Variants in ARB2A observed in about 807,000 individuals in gnomAD.
ARB2A encodes ARB2 cotranscriptional regulator A, also known as cotranscriptional regulator ARB2A.
the ARB2A span, among the ~76,000 whole-genome samples, chr5:93,684,610 T>C: frequency 6.6e-6 from 1 of 152,192 alleles, no homozygotes; most frequent in East Asian, 1.9e-4. Flanking sequence ...TTCAGACAAA[T>C]AGTAAAAAAT....
At chr5:93,801,298 C>T in the ARB2A span, among the ~76,000 whole-genome samples, 1 of 152,054 alleles carries the variant, frequency 6.6e-6, no homozygotes, top group African/African-American at 2.4e-5. Flanking sequence ...ATAGCTCCAA[C>T]CCCCTTTGTT....
chr5:93,708,900 G>A, the ARB2A span, among the ~76,000 whole-genome samples: 8 of 152,026 alleles, frequency 5.3e-5, no homozygotes, highest in South Asian at 6.2e-4. Flanking sequence ...AAATTTAAAC[G>A]ATATAAAGTT....
the ARB2A span, chr5:93,682,859 C>T: frequency 7.1e-7 from 1 of 1,401,756 alleles, no homozygotes; most frequent in South Asian, 1.1e-5. Flanking sequence ...CCTCCACTGC[C>T]AGAGATCTTG....
chr5:93,877,797 G>A, the ARB2A span, among the ~76,000 whole-genome samples: 2 of 152,106 alleles, frequency 1.3e-5, no homozygotes, highest in African/African-American at 2.4e-5. Flanking sequence ...TGGGTTGTAA[G>A]TGGATAGAAT....
At chr5:93,909,465 G>A in the ARB2A span, among the ~76,000 whole-genome samples, 3 of 150,802 alleles carry the variant, frequency 2.0e-5, no homozygotes, top group Non-Finnish European at 3.0e-5. Context: ...CTCTACAAAC[G>A]TATTATATCT....
the ARB2A span, among the ~76,000 whole-genome samples, chr5:93,784,884 C>T: frequency 1.3e-5 from 2 of 152,168 alleles, no homozygotes; most frequent in Non-Finnish European, 2.9e-5. Context: ...CTACTTAGGA[C>T]TAACTTCTAC....
the ARB2A span, among the ~76,000 whole-genome samples, chr5:93,938,294 A>G: frequency 6.6e-6 from 1 of 152,224 alleles, no homozygotes; most frequent in Non-Finnish European, 1.5e-5. Flanking sequence ...AATTCCTTTA[A>G]TTTAATCACA....
the ARB2A span, among the ~76,000 whole-genome samples, chr5:93,913,062 T>C: frequency 2.4e-3 from 360 of 152,028 alleles, 1 homozygote; most frequent in Non-Finnish European, 3.9e-3. Context: ...TTTACGTTTA[T>C]TATTTTCCCC....
the ARB2A span, chr5:93,824,268 C>A: frequency 1.3e-6 from 2 of 1,566,720 alleles, no homozygotes; most frequent in South Asian, 1.2e-5. Flanking sequence ...AACCATTTTC[C>A]TATAAGGGAA....
the ARB2A span, among the ~76,000 whole-genome samples, chr5:93,747,376 CCAAA>C: frequency 4.6e-5 from 7 of 152,002 alleles, no homozygotes; most frequent in Non-Finnish European, 1.0e-4. Flanking sequence ...CTGAAACAAG[CCAAA>C]CAGAGTCACA....
chr5:93,979,303 T>A, the ARB2A span, among the ~76,000 whole-genome samples: 1 of 152,144 alleles, frequency 6.6e-6, no homozygotes. Context: ...ATTCACAATG[T>A]GTAATATTTA....
At chr5:94,060,086 G>A in the ARB2A span, among the ~76,000 whole-genome samples, 1 of 152,128 alleles carries the variant, frequency 6.6e-6, no homozygotes, top group East Asian at 1.9e-4. Flanking sequence ...GGGGCCAGGC[G>A]CAGTGGCTCA....
chr5:94,010,323 T>G, the ARB2A span, among the ~76,000 whole-genome samples: 1 of 152,170 alleles, frequency 6.6e-6, no homozygotes, highest in Non-Finnish European at 1.5e-5. Flanking sequence ...TTTAGAATCA[T>G]TTTGCTTAGC....
the ARB2A span, among the ~76,000 whole-genome samples, chr5:94,083,839 A>C: frequency 4.6e-5 from 7 of 152,238 alleles, no homozygotes; most frequent in East Asian, 1.3e-3. Flanking sequence ...AAAAAAAACA[A>C]GAATCTCTGT....
chr5:93,928,202 T>C, the ARB2A span, among the ~76,000 whole-genome samples: 1 of 152,140 alleles, frequency 6.6e-6, no homozygotes, highest in African/African-American at 2.4e-5. Context: ...TCATCCAAAA[T>C]ATGAAATGGG....
the ARB2A span, chr5:93,959,006 T>C: frequency 7.2e-7 from 1 of 1,384,080 alleles, no homozygotes; most frequent in African/African-American, 1.5e-5. Flanking sequence ...ATAAATGTCT[T>C]CTGATCAGGC....
the ARB2A span, among the ~76,000 whole-genome samples, chr5:93,697,026 C>T: frequency 2.3e-5 from 3 of 131,860 alleles, no homozygotes; most frequent in African/African-American, 8.9e-5. Flanking sequence ...TGCACCACTG[C>T]ATTCCAGCCT....
the ARB2A span, among the ~76,000 whole-genome samples, chr5:94,060,320 C>A: frequency 2.0e-5 from 3 of 152,048 alleles, no homozygotes; most frequent in African/African-American, 7.3e-5. Context: ...CCACTGCACT[C>A]CAGCCAGGGC....
the ARB2A span, among the ~76,000 whole-genome samples, chr5:93,961,892 G>A: frequency 6.6e-6 from 1 of 151,924 alleles, no homozygotes; most frequent in Non-Finnish European, 1.5e-5. Context: ...ATGAGTAAGG[G>A]GTAAGAGCAG....
Sources: gnomAD v4.1 joint callset for allele counts (sites outside exome capture counted in the v4.1 genomes callset) on GRCh38, gnomAD v4.1.1 for gene constraint, MANE v1.5 for transcripts, NCBI Gene and HGNC (gene_info 2026-07-23, HGNC 2026-07-21) for gene names.